Variants in FGF9 observed in about 807,000 individuals in gnomAD.
FGF9 encodes fibroblast growth factor 9.
FGF9 carries 3 observed loss-of-function variants against 19.9 expected under a neutral mutation model. The ratio of observed to expected loss-of-function variants is 0.15; its 90% CI spans 0.07 to 0.39. The LOEUF (loss-of-function observed/expected upper bound fraction) is 0.39. Among genes scored for constraint, FGF9 ranks in the 10% least tolerant of loss-of-function variants. FGF9 has a pLI of 1.00. For synonymous variants in FGF9, 107 were observed against 106.9 expected, an observed-to-expected ratio of 1.00 and a Z score of -0.01; for missense variants, 175 against 256.8, an observed-to-expected ratio of 0.68 and a Z score of 2.18.
In FGF9 at chr13:21,701,408, G is replaced by C. The variant is rs1319414546; in HGVS notation, c.600G>C (p.Leu200=). ...TGGACCCCGACAAAGTACCTGAACT[G>C]TATAAGGATATTCTAAGCCAAAGTT... ...RPVDPDKVPE[L]YKDILSQS The change falls in exon 3 of 3, where the codon CTG becomes CTC. Residue 200 remains leucine, a synonymous_variant. Transcript: ENST00000382353. The C allele has an allele frequency of 6.2e-7, 1 of 1,613,980 alleles. No homozygotes were observed. The highest frequency in any genetic ancestry group is 1.7e-5 in the Admixed American group (1 of 59,998).
intron 2 of FGF9, among the ~76,000 whole-genome samples, chr13:21,694,387 C>A (rs1400266197): frequency 3.9e-5 from 6 of 152,118 alleles, no homozygotes; most frequent in Admixed American, 3.3e-4. Context: ...CTGCCCCTTC[C>A]AGTATCTCCC....
chr13:21,678,298 C>T (rs1871960724), intron 1 of FGF9, among the ~76,000 whole-genome samples: 1 of 152,092 alleles, frequency 6.6e-6, no homozygotes, highest in African/African-American at 2.4e-5. Context: ...GTACAGAAAT[C>T]ACAGAAACAT....
chr13:21,690,223 C>T (rs3783153), intron 2 of FGF9, among the ~76,000 whole-genome samples: 43,382 of 152,114 alleles, frequency 0.29, 7,181 homozygotes, highest in East Asian at 0.42. Flanking sequence ...ACACATAACA[C>T]GCTTACATGC....
chr13:21,671,985 T>C lies in FGF9; in HGVS notation c.73T>C (p.Leu25=). 5 of 1,614,212 alleles carry C rather than the reference T, an allele frequency of 3.1e-6. No homozygotes were observed. Among genetic ancestry groups the C allele is most frequent in the Non-Finnish European group, 4.2e-6 (5 of 1,180,034 alleles). Residue 25 remains leucine, a synonymous_variant, in exon 1 of 3, where the codon TTG becomes CTG. Transcript: ENST00000382353. ...GGTACCGTTTGGGAATGTGCCCGTG[T>C]TGCCGGTGGACAGCCCGGTTTTGTT... ...DAVPFGNVPV[L]PVDSPVLLSD...
chr13:21,673,476 C>T (rs892441907), intron 1 of FGF9, among the ~76,000 whole-genome samples: 1 of 152,164 alleles, frequency 6.6e-6, no homozygotes, highest in South Asian at 2.1e-4. Flanking sequence ...TGAAATTGCT[C>T]CGGCCGTCTC....
rs921196063 is a variant in FGF9, at chr13:21,702,996, A to G, written c.*1561A>G. 1 of 152,246 alleles carries G rather than the reference A, an allele frequency of 6.6e-6. No individual in the cohort carries two copies. The highest frequency in any genetic ancestry group is 1.5e-5 in the Non-Finnish European group (1 of 68,044). The allele number at this position is 152,246 out of a possible 1,614,324, so 9.4% of individuals were successfully genotyped here. On this transcript the variant is annotated 3_prime_UTR_variant, in exon 3 of 3. Transcript: ENST00000382353. ...TATGCTGAAAAGCATAAGAATACGT[A>G]TTTCTTTAGTAGCAATAATTTTGGA...
chr13:21,695,689 G>T (rs1257709408), intron 2 of FGF9, among the ~76,000 whole-genome samples: 2 of 152,200 alleles, frequency 1.3e-5, no homozygotes, highest in Admixed American at 1.3e-4. Context: ...TAATGAGGAA[G>T]AGTACATCTG....
intron 2 of FGF9, among the ~76,000 whole-genome samples, chr13:21,688,752 ATTTT>A (rs56274891): frequency 7.1e-6 from 1 of 139,992 alleles, no homozygotes; most frequent in African/African-American, 2.7e-5. Flanking sequence ...ATTTTGGAGG[ATTTT>A]TTTTTTTTTT....
chr13:21,680,936 T>C, intron 1 of FGF9, 106 bp from the exon 2 acceptor site: 1 of 774,704 alleles, frequency 1.3e-6, no homozygotes, highest in Non-Finnish European at 2.3e-6. Flanking sequence ...GTTATCCAAG[T>C]GGGGAGCTGG....
intron 2 of FGF9, among the ~76,000 whole-genome samples, chr13:21,696,682 C>A (rs1347642431): frequency 6.6e-6 from 1 of 152,256 alleles, no homozygotes; most frequent in East Asian, 1.9e-4. Flanking sequence ...TTTTGCTATC[C>A]AAATTTGCAT....
intron 2 of FGF9, among the ~76,000 whole-genome samples, chr13:21,687,276 CA>C (rs1404851314): frequency 6.6e-6 from 1 of 152,104 alleles, no homozygotes; most frequent in Non-Finnish European, 1.5e-5. Flanking sequence ...CCCTCTGTCC[CA>C]GAATTGAGAG....
rs886050052 is a variant in FGF9, at chr13:21,701,870, C to G, written c.*435C>G. ...CTATATCAGCACAGCTGCCATACTT[C>G]GACTTATCAGGATTCTGGCTGGTGG... On this transcript the variant is annotated 3_prime_UTR_variant, in exon 3 of 3. Coordinates refer to ENST00000382353, the MANE Select transcript of FGF9 (RefSeq NM_002010.3). 2 of 181,576 alleles carry G rather than the reference C, an allele frequency of 1.1e-5. No individual in the cohort carries two copies. Among genetic ancestry groups the G allele is most frequent in the African/African-American group, 4.7e-5 (2 of 42,456 alleles). The allele number at this position is 181,576 out of a possible 1,614,324, so 11.2% of individuals were successfully genotyped here. A position where few individuals can be genotyped will look rare whatever the true frequency, so the allele number is the denominator to read the frequency against.
chr13:21,697,965 G>A (rs1367795250), intron 2 of FGF9, among the ~76,000 whole-genome samples: 1 of 151,964 alleles, frequency 6.6e-6, no homozygotes, highest in South Asian at 2.1e-4. Context: ...CCACCACCTC[G>A]CCTGGCTAAT....
In FGF9 at chr13:21,671,557, G is replaced by T; in HGVS notation, c.-356G>T. 2.0e-6 allele frequency: 1 copy of T among 510,540 alleles called. No individual in the cohort carries two copies. The highest frequency in any genetic ancestry group is 1.9e-5 in the African/African-American group (1 of 51,980). 31.6% of individuals were successfully genotyped at this position (510,540 alleles called of 1,614,324 possible). A position where few individuals can be genotyped will look rare whatever the true frequency, so the allele number is the denominator to read the frequency against. On this transcript the variant is annotated 5_prime_UTR_variant, in exon 1 of 3. The change abolishes an upstream ATG in the 5' untranslated region. Transcript: ENST00000382353. ...TGGTCATTCTGATCTCAAACCAAAT[G>T]GAGAAACTACGGATTTTTTTTCCTT...
intron 2 of FGF9, among the ~76,000 whole-genome samples, chr13:21,695,470 TG>T (rs1872386383): frequency 6.6e-6 from 1 of 152,012 alleles, no homozygotes; most frequent in Non-Finnish European, 1.5e-5. Flanking sequence ...TGAGCCATAT[TG>T]GGTTGGGTCT....
intron 2 of FGF9, 160 bp downstream of exon 2, chr13:21,681,305 G>T: frequency 1.6e-6 from 1 of 609,004 alleles, no homozygotes. Context: ...TTTATTAATA[G>T]ATAAACAGCT....
chr13:21,691,092 G>A lies in FGF9; in HGVS notation c.381+9947G>A, dbSNP rs909466400. Among the ~76,000 whole-genome samples the A allele has an allele frequency of 5.9e-5, 9 of 152,142 alleles. No individual in the cohort carries two copies. Among genetic ancestry groups the A allele is most frequent in the Non-Finnish European group, 8.8e-5 (6 of 68,024 alleles). On this transcript the variant is annotated intron_variant, in intron 2 of 2. Coordinates refer to ENST00000382353, the MANE Select transcript of FGF9 (RefSeq NM_002010.3). The surrounding 1 kb of genome is among the most constrained non-coding windows in gnomAD (Gnocchi z 4.2). ...AGGAACCCAACCCTGTATTTCCCCC[G>A]GGAGCAATGGTTCAGTATTCTAGGA...
chr13:21,689,599 T>C (rs1341594111), intron 2 of FGF9, among the ~76,000 whole-genome samples: 4 of 152,198 alleles, frequency 2.6e-5, no homozygotes, highest in Non-Finnish European at 5.9e-5. Context: ...TAAAAAGTGT[T>C]AGGGAGCCCC....
chr13:21,676,545 G>A (rs1215521249), intron 1 of FGF9, among the ~76,000 whole-genome samples: 1 of 152,194 alleles, frequency 6.6e-6, no homozygotes, highest in African/African-American at 2.4e-5. Flanking sequence ...AACTCTATGA[G>A]ATGTGCTCAG....
Sources: gnomAD v4.1 joint callset for allele counts (sites outside exome capture counted in the v4.1 genomes callset) on GRCh38, gnomAD v4.1.1 for gene constraint, Gnocchi (gnomAD v3.1) non-coding constraint, MANE v1.5 for transcripts, NCBI Gene and HGNC (gene_info 2026-07-23, HGNC 2026-07-21) for gene names.